CAMK1D: variants seen among roughly 807,000 people sequenced by gnomAD.
The protein encoded by CAMK1D is calcium/calmodulin dependent protein kinase ID.
CAMK1D carries 9 observed loss-of-function variants against 47.7 expected under a neutral mutation model. The ratio of observed to expected loss-of-function variants is 0.19; its 90% CI spans 0.11 to 0.33. The LOEUF (loss-of-function observed/expected upper bound fraction) is 0.33. Ranked by LOEUF, CAMK1D falls within the 10% of genes least tolerant of loss-of-function variation. CAMK1D has a pLI of 1.00. For synonymous variants in CAMK1D, 184 were observed against 184.9 expected, an observed-to-expected ratio of 0.99 and a Z score of 0.04; for missense variants, 291 against 488.7, an observed-to-expected ratio of 0.60 and a Z score of 3.81.
chr10:12,430,323 C>G (rs1840399865), intron 1 of CAMK1D, among the ~76,000 whole-genome samples: 2 of 152,300 alleles, frequency 1.3e-5, no homozygotes, highest in African/African-American at 2.4e-5. Context: ...GAGCACAGCC[C>G]CACAAGGCAC....
At chr10:12,727,024 C>T (rs77774495) in intron 3 of CAMK1D, among the ~76,000 whole-genome samples, 2,657 of 152,360 alleles carry the variant, frequency 0.017, 64 homozygotes, top group South Asian at 0.14. Context: ...CCCAGGCTCC[C>T]CTTCCGCGTT....
In CAMK1D at chr10:12,833,287, G is replaced by C. The variant is rs1039939236; in HGVS notation, c.*4400G>C. On this transcript the variant is annotated 3_prime_UTR_variant, in exon 11 of 11. Coordinates refer to ENST00000619168, the MANE Select transcript of CAMK1D (RefSeq NM_153498.4). ...CGTAGGTGGGAGGGACAGAAGCCGAGAACACCAGGCACACGGGGTGGGGGG... is the reference window on the plus strand; with the variant it reads ...CGTAGGTGGGAGGGACAGAAGCCGACAACACCAGGCACACGGGGTGGGGGG... The C allele has an allele frequency of 6.5e-6, 1 of 152,678 alleles. No individual in the cohort carries two copies. Among genetic ancestry groups the C allele is most frequent in the African/African-American group, 2.4e-5 (1 of 41,462 alleles). The allele number at this position is 152,678 out of a possible 1,614,324, so 9.5% of individuals were successfully genotyped here.
At chr10:12,645,503 C>T (rs547083094) in intron 2 of CAMK1D, among the ~76,000 whole-genome samples, 29 of 152,256 alleles carry the variant, frequency 1.9e-4, no homozygotes, top group African/African-American at 5.8e-4. Context: ...AGTAAAACAA[C>T]GAGATGAAGA....
intron 1 of CAMK1D, among the ~76,000 whole-genome samples, chr10:12,382,434 A>G (rs1838372229): frequency 6.6e-6 from 1 of 152,104 alleles, no homozygotes; most frequent in Admixed American, 6.6e-5. Context: ...AGGATCTTTC[A>G]TATGAAATAC....
chr10:12,730,733 G>A (rs1041160052), intron 3 of CAMK1D, among the ~76,000 whole-genome samples: 3 of 152,148 alleles, frequency 2.0e-5, no homozygotes, highest in African/African-American at 4.8e-5. Flanking sequence ...AAGGTAAGTC[G>A]AGAAGGTGGT....
intron 1 of CAMK1D, among the ~76,000 whole-genome samples, chr10:12,529,358 C>T (rs186660872): frequency 2.6e-5 from 4 of 152,256 alleles, no homozygotes; most frequent in South Asian, 4.1e-4. Context: ...TTACTGAGGA[C>T]GTCTTACCTG....
intron 5 of CAMK1D, among the ~76,000 whole-genome samples, chr10:12,782,196 G>A (rs12260375): frequency 0.02 from 3,114 of 152,188 alleles, 123 homozygotes; most frequent in African/African-American, 0.071. Flanking sequence ...ATTTTTACTT[G>A]CCAACAGTCT....
chr10:12,825,659 G>C lies in CAMK1D; in HGVS notation c.1008G>C (p.Ser336=). 1.2e-6 allele frequency: 2 copies of C among 1,614,214 alleles called. No individual in the cohort carries two copies. The highest frequency in any genetic ancestry group is 1.7e-6 in the Non-Finnish European group (2 of 1,180,044). Residue 336 remains serine, a synonymous_variant, in exon 10 of 11, where the codon TCG becomes TCC. Transcript: ENST00000619168. The part of the protein sequence containing the change: ...SSLDSSNASV[S]SSLSLASQKD... ...TGGACAGTTCAAATGCAAGTGTTTC[G>C]AGCAGCCTCAGTTTGGCCAGCCAAA...
intron 2 of CAMK1D, among the ~76,000 whole-genome samples, chr10:12,611,015 A>G (rs1416853214): frequency 2.0e-5 from 3 of 152,222 alleles, no homozygotes; most frequent in Non-Finnish European, 4.4e-5. Flanking sequence ...TATGTATTCA[A>G]CCAAGTAACA....
At chr10:12,690,279 GTATC>G (rs1329592347) in intron 3 of CAMK1D, among the ~76,000 whole-genome samples, 3 of 152,126 alleles carry the variant, frequency 2.0e-5, no homozygotes, top group Non-Finnish European at 2.9e-5. Context: ...TCATATCTCA[GTATC>G]TATTATGGAG....
At chr10:12,466,595 T>C (rs1833598573) in intron 1 of CAMK1D, among the ~76,000 whole-genome samples, 1 of 147,852 alleles carries the variant, frequency 6.8e-6, no homozygotes, top group African/African-American at 2.6e-5. Flanking sequence ...TGAATTTCTT[T>C]TTTTTTTTTT....
chr10:12,554,699 G>C lies in CAMK1D; in HGVS notation c.224+1343G>C, dbSNP rs1212012640. ...CTGTAGGCACACGCTATTATGCCTG[G>C]CTAATTAAAAAAAAATTTTTTTTTT... On this transcript the variant is annotated intron_variant, in intron 2 of 10. Coordinates refer to ENST00000619168, the MANE Select transcript of CAMK1D (RefSeq NM_153498.4). Among the ~76,000 whole-genome samples the C allele has an allele frequency of 4.4e-5, 6 of 135,216 alleles. No individual in the cohort carries two copies. In the South Asian group the frequency reaches 7.0e-4, roughly 16 times the overall value. 88.7% of individuals were successfully genotyped at this position (135,216 alleles called of 152,430 possible). A position where few individuals can be genotyped will look rare whatever the true frequency, so the allele number is the denominator to read the frequency against.
chr10:12,666,101 T>A (rs1288283492), intron 2 of CAMK1D, among the ~76,000 whole-genome samples: 1 of 152,142 alleles, frequency 6.6e-6, no homozygotes, highest in Non-Finnish European at 1.5e-5. Context: ...TGGTGCTGCC[T>A]GTTTGAGAAC....
intron 3 of CAMK1D, among the ~76,000 whole-genome samples, chr10:12,708,865 C>T (rs1357907295): frequency 6.6e-6 from 1 of 151,944 alleles, no homozygotes; most frequent in African/African-American, 2.4e-5. Context: ...CGTGGTGGCT[C>T]ATATCTGTAA....
intron 6 of CAMK1D, among the ~76,000 whole-genome samples, chr10:12,812,706 T>C (rs997662239): frequency 2.6e-5 from 4 of 152,186 alleles, no homozygotes; most frequent in Non-Finnish European, 2.9e-5. Context: ...CACGCTGCAT[T>C]GCCCCTGGCC....
rs571570668 is a variant in CAMK1D, at chr10:12,593,390, C to T, written c.224+40034C>T. Reference sequence around the variant, plus strand: ...GGATCACTTGAGGTCAGGAGTTCAACACCAGCCTGGTCAACATGGTGAAAC... The same window carrying T: ...GGATCACTTGAGGTCAGGAGTTCAATACCAGCCTGGTCAACATGGTGAAAC... On this transcript the variant is annotated intron_variant, in intron 2 of 10. Coordinates refer to ENST00000619168, the MANE Select transcript of CAMK1D (RefSeq NM_153498.4). Among the ~76,000 whole-genome samples the T allele has an allele frequency of 1.3e-3, 204 of 151,966 alleles. 1 individual carries two copies. Among genetic ancestry groups the T allele is most frequent in the South Asian group, 1.0e-2 (48 of 4,814 alleles).
chr10:12,612,869 T>C (rs1838671776), intron 2 of CAMK1D, among the ~76,000 whole-genome samples: 1 of 152,164 alleles, frequency 6.6e-6, no homozygotes, highest in African/African-American at 2.4e-5. Flanking sequence ...ATCCCTCAAA[T>C]TGATGTAGTC....
At chr10:12,699,513 G>A (rs758568410) in intron 3 of CAMK1D, among the ~76,000 whole-genome samples, 8 of 151,992 alleles carry the variant, frequency 5.3e-5, no homozygotes, top group Non-Finnish European at 1.0e-4. Context: ...TGGTTTTGGC[G>A]CCCATAGAGT....
chr10:12,719,273 G>A (rs894734522), intron 3 of CAMK1D, among the ~76,000 whole-genome samples: 1 of 151,788 alleles, frequency 6.6e-6, no homozygotes, highest in African/African-American at 2.4e-5. Flanking sequence ...CAGGCGTGAT[G>A]GTGCATGCCT....
Sources: allele counts gnomAD v4.1 joint callset (sites outside exome capture counted in the v4.1 genomes callset), GRCh38; gene constraint gnomAD v4.1.1; transcripts MANE v1.5; gene names NCBI Gene and HGNC (gene_info 2026-07-23, HGNC 2026-07-21).